The following PDE4D variants were observed in gnomAD, a reference collection of about 807,000 sequenced individuals.
PDE4D encodes the protein 3',5'-cyclic-AMP phosphodiesterase 4D.
PDE4D carries 24 observed loss-of-function variants against 87.4 expected under a neutral mutation model. The ratio of observed to expected loss-of-function variants is 0.27; its 90% CI spans 0.20 to 0.39. The LOEUF (loss-of-function observed/expected upper bound fraction) is 0.39. Ranked by LOEUF, PDE4D falls within the 10% of genes least tolerant of loss-of-function variation. PDE4D has a pLI of 1.00. For missense variants in PDE4D, 714 were observed against 1,041.0 expected, an observed-to-expected ratio of 0.69 and a Z score of 4.32; for synonymous variants, 384 against 383.2, an observed-to-expected ratio of 1.00 and a Z score of -0.02.
At chr5:59,658,386 T>G (rs1449849163) in intron 1 of PDE4D, among the ~76,000 whole-genome samples, 3 of 143,000 alleles carry the variant, frequency 2.1e-5, no homozygotes, top group Non-Finnish European at 4.6e-5. Context: ...GAGAGCCAGA[T>G]TTTTTTTTTT....
chr5:60,342,350 G>A (rs568690259), intron 1 of PDE4D, among the ~76,000 whole-genome samples: 8 of 152,174 alleles, frequency 5.3e-5, no homozygotes, highest in African/African-American at 1.7e-4. Flanking sequence ...TGTATTAATA[G>A]TAGTGGAAGG....
intron 1 of PDE4D, among the ~76,000 whole-genome samples, chr5:59,532,608 T>A (rs1814443880): frequency 6.6e-6 from 1 of 152,250 alleles, no homozygotes; most frequent in African/African-American, 2.4e-5. Context: ...ATGTAAATTA[T>A]TGATACTATA....
At chr5:59,195,566 A>G (rs1247017522) in intron 2 of PDE4D, among the ~76,000 whole-genome samples, 1 of 152,208 alleles carries the variant, frequency 6.6e-6, no homozygotes, top group Non-Finnish European at 1.5e-5. Flanking sequence ...TGAAATGTAC[A>G]AGAACTTGGA....
At chr5:59,344,601 G>A (rs1035304156) in intron 1 of PDE4D, among the ~76,000 whole-genome samples, 9 of 151,988 alleles carry the variant, frequency 5.9e-5, no homozygotes, top group Non-Finnish European at 8.8e-5. Flanking sequence ...GTCTCACTCT[G>A]TAGCACAGGC....
intron 1 of PDE4D, among the ~76,000 whole-genome samples, chr5:60,229,611 A>C (rs1031935596): frequency 6.6e-6 from 1 of 152,140 alleles, no homozygotes; most frequent in African/African-American, 2.4e-5. Context: ...TTATTTGCCA[A>C]ATGCCAATGG....
chr5:59,883,698 T>G (rs1232864411), intron 1 of PDE4D, among the ~76,000 whole-genome samples: 2 of 152,200 alleles, frequency 1.3e-5, no homozygotes, highest in Non-Finnish European at 2.9e-5. Context: ...AGCAACTCAT[T>G]TTTTAACTTA....
At chr5:60,006,845 A>G (rs1764544103) in intron 2 of PDE4D, among the ~76,000 whole-genome samples, 1 of 151,952 alleles carries the variant, frequency 6.6e-6, no homozygotes, top group Non-Finnish European at 1.5e-5. Context: ...ATTTAACAAA[A>G]ATCTATTACC....
intron 2 of PDE4D, among the ~76,000 whole-genome samples, chr5:59,197,807 C>T (rs1745798326): frequency 6.6e-6 from 1 of 152,180 alleles, no homozygotes; most frequent in African/African-American, 2.4e-5. Flanking sequence ...TGAATAATCA[C>T]ATATGCTCAA....
chr5:59,703,478 A>G (rs1464311324), intron 1 of PDE4D: 2 of 505,464 alleles, frequency 4.0e-6, no homozygotes, highest in South Asian at 1.5e-5. Context: ...ATGTATTGAT[A>G]CAGCATTACA....
At chr5:59,835,093 T>G (rs1460471543) in intron 1 of PDE4D, among the ~76,000 whole-genome samples, 1 of 152,036 alleles carries the variant, frequency 6.6e-6, no homozygotes, top group African/African-American at 2.4e-5. Context: ...AGCAGTGATT[T>G]TGGAGAAAGG....
intron 2 of PDE4D, among the ~76,000 whole-genome samples, chr5:60,046,172 G>C (rs1290033958): frequency 1.3e-5 from 2 of 152,104 alleles, no homozygotes; most frequent in Admixed American, 1.3e-4. Flanking sequence ...CTGTTTGTCT[G>C]TTGTTGGTGT....
At chr5:59,932,553 A>G (rs1442372577) in intron 3 of PDE4D, among the ~76,000 whole-genome samples, 3 of 152,228 alleles carry the variant, frequency 2.0e-5, no homozygotes, top group Non-Finnish European at 2.9e-5. Context: ...CCTAAGGTCC[A>G]AAGTAAGTGG....
chr5:59,756,081 T>C (rs1270131496), intron 1 of PDE4D, among the ~76,000 whole-genome samples: 2 of 151,814 alleles, frequency 1.3e-5, no homozygotes, highest in Non-Finnish European at 2.9e-5. Flanking sequence ...AGGTTTTCTA[T>C]TATTTTAGTT....
chr5:60,299,226 T>C (rs900731772), intron 1 of PDE4D, among the ~76,000 whole-genome samples: 2 of 152,182 alleles, frequency 1.3e-5, no homozygotes, highest in Non-Finnish European at 2.9e-5. Context: ...GAAGACAGCC[T>C]TTAAAACCAA....
chr5:60,490,896 G>C (rs1749496371), upstream of PDE4D: 1 of 152,214 alleles, frequency 6.6e-6, no homozygotes, highest in African/African-American at 2.4e-5. Flanking sequence ...AAGCTAATTT[G>C]TCTGGCCTTG....
intron 2 of PDE4D, among the ~76,000 whole-genome samples, chr5:60,013,048 T>G (rs2152846082): frequency 6.6e-6 from 1 of 152,336 alleles, no homozygotes; most frequent in East Asian, 1.9e-4. Context: ...CCTGGATTTC[T>G]TGCCTGTGTC....
At chr5:59,117,932 T>C (rs1773884344) in intron 5 of PDE4D, among the ~76,000 whole-genome samples, 1 of 152,012 alleles carries the variant, frequency 6.6e-6, no homozygotes, top group Admixed American at 6.6e-5. Context: ...TTTTGTCAAC[T>C]CTCTACTATA....
At chr5:60,278,020 T>A (rs1751546850) in intron 1 of PDE4D, among the ~76,000 whole-genome samples, 1 of 152,192 alleles carries the variant, frequency 6.6e-6, no homozygotes, top group Non-Finnish European at 1.5e-5. Flanking sequence ...GCTTACCATG[T>A]TCTTTTGTCC....
intron 5 of PDE4D, among the ~76,000 whole-genome samples, chr5:59,105,670 G>T (rs1771470254): frequency 6.6e-6 from 1 of 152,178 alleles, no homozygotes; most frequent in African/African-American, 2.4e-5. Context: ...AGAAAGTGGG[G>T]TATTAGATGC....
Sources: allele counts gnomAD v4.1 joint callset (sites outside exome capture counted in the v4.1 genomes callset), GRCh38; gene constraint gnomAD v4.1.1; transcripts MANE v1.5; gene names NCBI Gene and HGNC (gene_info 2026-07-23, HGNC 2026-07-21).